The following MET variants were observed in gnomAD, a reference collection of about 807,000 sequenced individuals.
MET encodes the protein MET proto-oncogene, receptor tyrosine kinase.
MET carries 48 observed loss-of-function variants against 133.1 expected under a neutral mutation model. The ratio of observed to expected loss-of-function variants is 0.36; its 90% CI spans 0.29 to 0.46. MET has a LOEUF of 0.46. Among genes scored for constraint, MET ranks in the 20% least tolerant of loss-of-function variants. The probability of loss-of-function intolerance (pLI) is 1.00; values close to 1 mark genes in which losing one functional copy is unlikely to be tolerated. For missense variants in MET, 1,442 were observed against 1,695.9 expected (o/e 0.85, Z 2.63); for synonymous variants, 628 against 616.5 (o/e 1.02, Z -0.28).
intron 1 of MET, among the ~76,000 whole-genome samples, chr7:116,689,365 G>A (rs1796691586): frequency 6.6e-6 from 1 of 152,040 alleles, no homozygotes; most frequent in South Asian, 2.1e-4. Context: ...TCTTTTTAAT[G>A]TGAGTTTTGT....
chr7:116,732,597 G>T (rs1435360462), intron 3 of MET, among the ~76,000 whole-genome samples: 1 of 152,112 alleles, frequency 6.6e-6, no homozygotes, highest in Admixed American at 6.6e-5. Flanking sequence ...GATGAGGAAA[G>T]AATGACAATA....
rs767934760 is a variant in MET, at chr7:116,699,306, T to A, written c.222T>A (p.Asn74Lys). The A allele has an allele frequency of 1.2e-6, 2 of 1,613,922 alleles. No homozygotes were observed. The highest frequency in any genetic ancestry group is 3.3e-5 in the Admixed American group (2 of 59,978). Reference protein sequence around the residue: ...LGATNYIYVLNEEDLQKVAEY... With the variant: ...LGATNYIYVLKEEDLQKVAEY... ...CCACTAACTACATTTATGTTTTAAA[T>A]GAGGAAGACCTTCAGAAGGTTGCTG... is the stretch of plus-strand genomic sequence containing the variant. Residue 74 changes from asparagine to lysine, a missense_variant, in exon 2 of 21, where the codon AAT becomes AAA. By Grantham distance (94) the Asn-to-Lys change is moderately conservative. This residue lies in a region of MET where 762 missense variants were observed against 792.4 expected (regional missense o/e 0.96). Transcript: ENST00000397752.
At position 116,771,920 on chromosome 7, in the gene MET, C is replaced by T. The variant is rs1554398397; in HGVS notation, c.2959C>T (p.Arg987Ter). ...TPHLDRLVSA[R>*]SVSPTTEMVS... The stretch of plus-strand genomic sequence containing the variant: ...TCATTTGGATAGGCTTGTAAGTGCC[C>T]GAAGTGTAAGCCCAACTACAGAAAT... The change falls in exon 14 of 21, where the codon CGA becomes TGA. Residue 987 changes from arginine (R) to a stop codon, truncating the protein, a stop_gained. Transcript: ENST00000397752. LOFTEE classifies it high-confidence loss of function. The T allele has an allele frequency of 1.2e-6, 2 of 1,613,804 alleles. No homozygotes were observed. Among genetic ancestry groups the T allele is most frequent in the Non-Finnish European group, 1.7e-6 (2 of 1,179,854 alleles).
chr7:116,772,021 C>A lies in MET; in HGVS notation c.3028+32C>A, dbSNP rs755838370. On this transcript the variant is annotated intron_variant, in intron 14 of 20. Transcript: ENST00000397752. ...TTCAGTTTATTGTTCTGAGAAATAC[C>A]TATACATATACCTCAGTGGGTTGTG... 6 of 1,609,498 alleles carry A rather than the reference C, an allele frequency of 3.7e-6. No homozygotes were observed. In the South Asian group the frequency reaches 6.6e-5, roughly 18 times the overall value.
rs1290039988 is a variant in MET at position 116,700,218 on chromosome 7, C to G, written c.1134C>G (p.Val378=). Residue 378 remains valine, a synonymous_variant, in exon 2 of 21, where the codon GTC becomes GTG. Transcript: ENST00000397752. The part of the protein sequence containing the change: ...KYVNDFFNKI[V]NKNNVRCLQH... ...TCAACGACTTCTTCAACAAGATCGT[C>G]AACAAAAACAATGTGAGATGTCTCC... is the stretch of plus-strand genomic sequence containing the variant. 8.8e-6 allele frequency: 14 copies of G among 1,596,468 alleles called. No individual in the cohort carries two copies. Among genetic ancestry groups the G allele is most frequent in the Non-Finnish European group, 1.1e-5 (13 of 1,174,778 alleles).
At chr7:116,786,645 T>C (rs1163837953) in intron 19 of MET, among the ~76,000 whole-genome samples, 1 of 152,154 alleles carries the variant, frequency 6.6e-6, no homozygotes, top group Non-Finnish European at 1.5e-5. Flanking sequence ...AGGTGTTGAA[T>C]GGAATGGAGA....
intron 1 of MET, among the ~76,000 whole-genome samples, chr7:116,690,852 C>T (rs954341341): frequency 2.0e-5 from 3 of 152,164 alleles, no homozygotes; most frequent in Non-Finnish European, 4.4e-5. Flanking sequence ...CTCCCAAATA[C>T]TTGATTAATA....
At chr7:116,769,864 T>G (rs1201598003) in intron 12 of MET, 73 bp downstream of exon 12, 1 of 1,597,656 alleles carries the variant, frequency 6.3e-7, no homozygotes, top group Non-Finnish European at 8.6e-7. Context: ...AGGCTTAAAA[T>G]AAATCATTAA....
At chr7:116,705,627 T>C (rs1791759706) in intron 2 of MET, among the ~76,000 whole-genome samples, 1 of 152,170 alleles carries the variant, frequency 6.6e-6, no homozygotes, top group African/African-American at 2.4e-5. Context: ...ATATGCCAAA[T>C]GTAATAGCTA....
chr7:116,687,732 G>A (rs773505925), intron 1 of MET, among the ~76,000 whole-genome samples: 2 of 152,184 alleles, frequency 1.3e-5, no homozygotes, highest in Admixed American at 1.3e-4. Context: ...AATTTCTCAG[G>A]TGTGAGCAAA....
intron 2 of MET, among the ~76,000 whole-genome samples, chr7:116,722,772 T>C (rs1562897479): frequency 6.6e-6 from 1 of 152,048 alleles, no homozygotes. Flanking sequence ...AAATTCTGGG[T>C]TGAAAATTCT....
At chr7:116,792,499 A>C (rs1281163852) in intron 19 of MET, among the ~76,000 whole-genome samples, 1 of 122,366 alleles carries the variant, frequency 8.2e-6, no homozygotes, top group African/African-American at 2.9e-5. Flanking sequence ...ACACACACAC[A>C]CACCAGCTTC....
Position 116,778,933 on chromosome 7 carries a change from A to C in MET, c.3498A>C (p.Arg1166=). The change falls in exon 17 of 21, where the codon CGA becomes CGC. Residue 1166 remains arginine (R), a synonymous_variant. Transcript: ENST00000397752. ...CATACATGAAACATGGAGATCTTCG[A>C]AATTTCATTCGAAATGAGACTCATG... ...VLPYMKHGDL[R]NFIRNETHNP... 6.2e-7 allele frequency: 1 copy of C among 1,613,912 alleles called. No homozygotes were observed. The highest frequency in any genetic ancestry group is 8.5e-7 in the Non-Finnish European group (1 of 1,179,916).
At chr7:116,672,628 G>A (rs1385616331) in intron 1 of MET, 51 bp downstream of exon 1, 1 of 374,204 alleles carries the variant, frequency 2.7e-6, no homozygotes, top group Non-Finnish European at 4.8e-6. Context: ...CGCCTCAGGG[G>A]TTCTGCTTTC....
intron 1 of MET, among the ~76,000 whole-genome samples, chr7:116,690,119 G>A (rs1017187747): frequency 3.9e-5 from 6 of 152,142 alleles, no homozygotes; most frequent in Non-Finnish European, 7.4e-5. Context: ...CCAAGGGACT[G>A]TGCCAACTTC....
At chr7:116,672,624 A>G (rs779441001) in intron 1 of MET, 47 bp downstream of exon 1, 9 of 374,318 alleles carry the variant, frequency 2.4e-5, no homozygotes, top group Non-Finnish European at 4.3e-5. Flanking sequence ...CCCTCGCCTC[A>G]GGGGTTCTGC....
At chr7:116,674,879 T>C (rs1294357532) in intron 1 of MET, among the ~76,000 whole-genome samples, 3 of 152,178 alleles carry the variant, frequency 2.0e-5, no homozygotes, top group African/African-American at 7.2e-5. Flanking sequence ...TTTTCCGTGG[T>C]CTAAATCCCT....
rs1584939403 is a variant in MET at position 116,755,535 on chromosome 7, T to C, written c.1862+20T>C. On this transcript the variant is annotated intron_variant, in intron 6 of 20. Coordinates refer to ENST00000397752, the MANE Select transcript of MET (RefSeq NM_000245.4). Reference sequence around the variant, plus strand: ...GAATACGTAAGGATCTTAAAATGCTTTGCTGGGGTGTGCTTGGAAAATAGG... The same window carrying C: ...GAATACGTAAGGATCTTAAAATGCTCTGCTGGGGTGTGCTTGGAAAATAGG... 6.2e-7 allele frequency: 1 copy of C among 1,613,948 alleles called. No homozygotes were observed. The highest frequency in any genetic ancestry group is 8.5e-7 in the Non-Finnish European group (1 of 1,179,892).
Position 116,793,184 on chromosome 7 carries a change from T to G in MET, c.3799-2471T>G, listed in dbSNP as rs569286078. Among the ~76,000 whole-genome samples the G allele has an allele frequency of 3.3e-5, 5 of 152,010 alleles. No individual in the cohort carries two copies. In the South Asian group the frequency reaches 8.3e-4, roughly 25 times the overall value. ...TTCAGTCTAACGCACTTTCTTTTTT[T>G]TTTTTTTTGAGACGGAGTCTCACTC... On this transcript the variant is annotated intron_variant, in intron 19 of 20. Coordinates refer to ENST00000397752, the MANE Select transcript of MET (RefSeq NM_000245.4).
Sources: allele counts gnomAD v4.1 joint callset (sites outside exome capture counted in the v4.1 genomes callset), GRCh38; gene constraint gnomAD v4.1.1; regional missense constraint gnomAD v4.1.1; transcripts MANE v1.5; gene names NCBI Gene and HGNC (gene_info 2026-07-23, HGNC 2026-07-21).